Variants in TNRC18 observed in about 807,000 individuals in gnomAD.
The protein encoded by TNRC18 is trinucleotide repeat-containing gene 18 protein.
In TNRC18, 69 loss-of-function variants were observed where a neutral mutation model predicts 226.7. That is an observed-to-expected ratio of 0.30 (90% CI 0.25 to 0.37). The LOEUF is 0.37. Among genes scored for constraint, TNRC18 ranks in the 10% least tolerant of loss-of-function variants. The pLI is 1.00. For missense variants in TNRC18, 4,754 were observed against 4,256.6 expected (o/e 1.12, Z -3.25); for synonymous variants, 2,449 against 1,927.6 (o/e 1.27, Z -7.09).
chr7:5,420,430 G>A, intron 2 of TNRC18: 1 of 455,572 alleles, frequency 2.2e-6, no homozygotes. Context: ...GGCCGGGGTC[G>A]CCGCCCTCCT....
Position 5,388,507 on chromosome 7 carries a change from C to T in TNRC18, c.1317G>A (p.Pro439=), listed in dbSNP as rs781353301. The change falls in exon 5 of 30, where the codon CCG becomes CCA. Residue 439 remains proline, a synonymous_variant. Transcript: ENST00000430969. ...KNSVIRSLKR[P]PPADAPTVRA... ...GCACCGTGGGGGCATCCGCGGGGGG[C>T]GGCCGCTTGAGCGAGCGGATGACCG... is the stretch of plus-strand genomic sequence containing the variant. 3 of 1,330,228 alleles carry T rather than the reference C, an allele frequency of 2.3e-6. No individual in the cohort carries two copies. The highest frequency in any genetic ancestry group is 9.6e-7 in the Non-Finnish European group (1 of 1,045,300). The allele number at this position is 1,330,228 out of a possible 1,614,324, so 82.4% of individuals were successfully genotyped here. A position where few individuals can be genotyped will look rare whatever the true frequency, so the allele number is the denominator to read the frequency against.
In TNRC18 at chr7:5,325,126, G is replaced by A. The variant is rs1373961567; in HGVS notation, c.6270C>T (p.Ala2090=). The change falls in exon 20 of 30, where the codon GCC becomes GCT. Residue 2090 remains alanine, a synonymous_variant. Transcript: ENST00000430969. ...SSLTAAKRSK[A]KAKGKEVKKE... The stretch of plus-strand genomic sequence containing the variant: ...TCTTCACCTCCTTCCCTTTGGCCTT[G>A]GCTTTGCTCCTTTTGGCAGCGGTCA... 1.9e-6 allele frequency: 3 copies of A among 1,550,632 alleles called. No homozygotes were observed. Among genetic ancestry groups the A allele is most frequent in the Admixed American group, 3.9e-5 (2 of 51,028 alleles).
Position 5,370,930 on chromosome 7 carries a change from A to C in TNRC18, c.3664T>G (p.Phe1222Val). ...SCAEPSECPDFVEGPEPRVDS... is the reference protein window; with the variant it reads ...SCAEPSECPDVVEGPEPRVDS... ...ACCCGTGGTTCAGGCCCCTCCACAA[A>C]GTCTGGACACTCAGAGGGCTCTGCG... The change falls in exon 11 of 30, where the codon TTT becomes GTT. Residue 1222 changes from phenylalanine to valine, a missense_variant. Coordinates refer to ENST00000430969, the MANE Select transcript of TNRC18 (RefSeq NM_001080495.3). The C allele has an allele frequency of 6.2e-7, 1 of 1,605,382 alleles. No homozygotes were observed. The highest frequency in any genetic ancestry group is 1.1e-5 in the South Asian group (1 of 91,080).
chr7:5,412,243 T>C (rs887745818), intron 2 of TNRC18, among the ~76,000 whole-genome samples: 1 of 46,908 alleles, frequency 2.1e-5, no homozygotes. Context: ...AAATTCCAAA[T>C]GAAAAAAAAA....
Position 5,374,198 on chromosome 7 carries a change from G to GGGGGC in TNRC18, c.3085_3086insGCCCC (p.Ser1029CysfsTer132). On this transcript the variant is annotated frameshift_variant, in exon 10 of 30. Transcript: ENST00000430969. LOFTEE classifies it high-confidence loss of function. ...GGCGGGCGGCGGGCTGGTGGGGTGG[G>GGGGGC]AGCTGGGGGTGGCGGGGTAGGCGTA... The GGGGGC allele has an allele frequency of 2.2e-6, 2 of 899,922 alleles. No individual in the cohort carries two copies. Among genetic ancestry groups the GGGGGC allele is most frequent in the Non-Finnish European group, 3.0e-6 (2 of 677,736 alleles). The allele number at this position is 899,922 out of a possible 1,614,324, so 55.7% of individuals were successfully genotyped here. A position where few individuals can be genotyped will look rare whatever the true frequency, so the allele number is the denominator to read the frequency against.
intron 17 of TNRC18, among the ~76,000 whole-genome samples, chr7:5,348,472 G>A (rs1031314882): frequency 6.6e-6 from 1 of 152,148 alleles, no homozygotes; most frequent in South Asian, 2.1e-4. Flanking sequence ...TCCTGCCAAC[G>A]CCCCAAGCCG....
intron 16 of TNRC18, among the ~76,000 whole-genome samples, chr7:5,356,496 A>C (rs1236642306): frequency 6.6e-6 from 1 of 152,232 alleles, no homozygotes; most frequent in Non-Finnish European, 1.5e-5. Context: ...TGGGTAGGGG[A>C]GTCCGGTCAC....
intron 17 of TNRC18, among the ~76,000 whole-genome samples, chr7:5,346,328 T>A (rs898794712): frequency 2.6e-5 from 4 of 152,004 alleles, no homozygotes; most frequent in African/African-American, 9.7e-5. Context: ...AAAGTGGAGT[T>A]CGGACTCTTC....
At chr7:5,420,555 T>TACTCCCGCATCCCCCGGCGC (rs1455112541) in intron 2 of TNRC18, 1 of 447,194 alleles carries the variant, frequency 2.2e-6, no homozygotes, top group Non-Finnish European at 4.5e-6. Context: ...TCCCCCGGCG[T>TACTCCCGCATCCCCCGGCGC]ACTCCCGCAT....
At chr7:5,366,848 T>C (rs4445136) in intron 11 of TNRC18, among the ~76,000 whole-genome samples, 75,536 of 152,022 alleles carry the variant, frequency 0.5, 19,385 homozygotes, top group African/African-American at 0.63. Context: ...CCCACAAACC[T>C]ATTATCCCTA....
intron 23 of TNRC18, 26 bp downstream of exon 23, chr7:5,320,506 C>T (rs1279402971): frequency 1.9e-6 from 3 of 1,592,778 alleles, no homozygotes; most frequent in South Asian, 1.1e-5. Context: ...CCCGAGCCTC[C>T]CGAGGCCCCG....
At chr7:5,351,097 AAAATG>A (rs1188256503) in intron 17 of TNRC18, among the ~76,000 whole-genome samples, 1 of 152,134 alleles carries the variant, frequency 6.6e-6, no homozygotes, top group Non-Finnish European at 1.5e-5. Context: ...TTAAACCTGA[AAAATG>A]AAATGAATGC....
intron 24 of TNRC18, 40 bp downstream of exon 24, chr7:5,320,278 T>G: frequency 6.7e-7 from 1 of 1,481,802 alleles, no homozygotes; most frequent in Non-Finnish European, 9.2e-7. Flanking sequence ...CATACTGAGA[T>G]GTTAGGCGGC....
chr7:5,374,510 C>G, intron 9 of TNRC18, 26 bp from the exon 10 acceptor site: 1 of 1,533,212 alleles, frequency 6.5e-7, no homozygotes, highest in East Asian at 2.5e-5. Context: ...CAGGCAGGGT[C>G]AGCACGGCAC....
At chr7:5,414,514 G>A (rs796076431) in intron 2 of TNRC18, among the ~76,000 whole-genome samples, 4 of 151,778 alleles carry the variant, frequency 2.6e-5, no homozygotes, top group Non-Finnish European at 5.9e-5. Flanking sequence ...CCAGGTTCAC[G>A]CCATTCTCCT....
intron 18 of TNRC18, among the ~76,000 whole-genome samples, chr7:5,343,567 C>T (rs1013392317): frequency 1.3e-5 from 2 of 152,080 alleles, no homozygotes; most frequent in Non-Finnish European, 2.9e-5. Flanking sequence ...GGACCAGAGG[C>T]GCATGCTACC....
intron 17 of TNRC18, among the ~76,000 whole-genome samples, chr7:5,349,122 G>A (rs866943079): frequency 1.3e-5 from 2 of 152,196 alleles, no homozygotes; most frequent in South Asian, 2.1e-4. Context: ...CTGGATGCCC[G>A]CAACGTCCAC....
At chr7:5,332,483 G>A in intron 19 of TNRC18, 139 bp downstream of exon 19, 1 of 911,636 alleles carries the variant, frequency 1.1e-6, no homozygotes, top group Non-Finnish European at 1.6e-6. Flanking sequence ...AGTCCTAGCA[G>A]GGGCTCCGGG....
chr7:5,366,997 G>A (rs1030710742), intron 11 of TNRC18, among the ~76,000 whole-genome samples: 6 of 152,194 alleles, frequency 3.9e-5, no homozygotes, highest in African/African-American at 1.4e-4. Context: ...TGGGAGACAG[G>A]GCGTTTGCAG....
Sources: gnomAD v4.1 joint callset for allele counts (sites outside exome capture counted in the v4.1 genomes callset) on GRCh38, gnomAD v4.1.1 for gene constraint, MANE v1.5 for transcripts, NCBI Gene and HGNC (gene_info 2026-07-23, HGNC 2026-07-21) for gene names.